CDH13: variants seen among roughly 807,000 people sequenced by gnomAD.
CDH13 encodes cadherin-13.
CDH13 carries 24 observed loss-of-function variants against 63.8 expected under a neutral mutation model. That is an observed-to-expected ratio of 0.38 (90% CI 0.27 to 0.53). The LOEUF is 0.53. CDH13 is among the 20% of genes least tolerant of loss of function. The pLI, the probability that CDH13 is intolerant of heterozygous loss-of-function variation, is 0.85. For synonymous variants in CDH13, 503 were observed against 355.3 expected, an observed-to-expected ratio of 1.42 and a Z score of -4.67; for missense variants, 1,049 against 903.1, an observed-to-expected ratio of 1.16 and a Z score of -2.07.
At chr16:83,223,547 A>G (rs1322042962) in intron 5 of CDH13, among the ~76,000 whole-genome samples, 1 of 152,216 alleles carries the variant, frequency 6.6e-6, no homozygotes, top group Admixed American at 6.5e-5. Flanking sequence ...TCTGATGCTC[A>G]CAACTGGATG....
At chr16:83,737,368 A>G (rs929389036) in intron 10 of CDH13, among the ~76,000 whole-genome samples, 6 of 152,242 alleles carry the variant, frequency 3.9e-5, no homozygotes, top group Non-Finnish European at 8.8e-5. Flanking sequence ...GTTTAAGCCA[A>G]TATTGTTTCA....
chr16:82,805,644 T>C (rs62036823), intron 1 of CDH13, among the ~76,000 whole-genome samples: 5,827 of 152,238 alleles, frequency 0.038, 169 homozygotes, highest in Admixed American at 0.063. Flanking sequence ...AAAAAGACTT[T>C]GTAAAAATCT....
chr16:83,628,307 C>G (rs1286861703), intron 8 of CDH13, among the ~76,000 whole-genome samples: 18 of 152,164 alleles, frequency 1.2e-4, no homozygotes. Context: ...AGGGTTTCCC[C>G]TTGTTGCCCA....
intron 3 of CDH13, among the ~76,000 whole-genome samples, chr16:83,041,381 A>C (rs1917316911): frequency 6.6e-6 from 1 of 152,146 alleles, no homozygotes; most frequent in Non-Finnish European, 1.5e-5. Context: ...TTCAAGAATC[A>C]GGATGGAAAT....
chr16:83,790,795 C>T (rs1409660964), intron 13 of CDH13, among the ~76,000 whole-genome samples: 1 of 152,198 alleles, frequency 6.6e-6, no homozygotes, highest in Non-Finnish European at 1.5e-5. Flanking sequence ...CCGGCATTGC[C>T]ATTAAGCTGT....
At chr16:82,884,007 C>G (rs1481903624) in intron 2 of CDH13, among the ~76,000 whole-genome samples, 3 of 152,044 alleles carry the variant, frequency 2.0e-5, no homozygotes, top group Non-Finnish European at 4.4e-5. Context: ...ATACCCCCAT[C>G]ATAGGTGTTT....
chr16:82,694,567 C>A (rs966626174), intron 1 of CDH13, among the ~76,000 whole-genome samples: 3 of 152,162 alleles, frequency 2.0e-5, no homozygotes, highest in African/African-American at 4.8e-5. Flanking sequence ...CCCTTCCTCC[C>A]AGGCCCATTC....
At chr16:82,786,186 T>A (rs1439703828) in intron 1 of CDH13, among the ~76,000 whole-genome samples, 1 of 152,118 alleles carries the variant, frequency 6.6e-6, no homozygotes, top group South Asian at 2.1e-4. Flanking sequence ...TACGAGGAAG[T>A]TAAGTTTAGA....
intron 10 of CDH13, among the ~76,000 whole-genome samples, chr16:83,746,176 A>G (rs992210853): frequency 4.6e-5 from 7 of 152,244 alleles, no homozygotes; most frequent in Admixed American, 1.3e-4. Context: ...ACAGAAGTCC[A>G]AAATCAGTCT....
intron 2 of CDH13, among the ~76,000 whole-genome samples, chr16:83,031,197 ATG>A (rs1567761456): frequency 6.8e-6 from 1 of 147,662 alleles, no homozygotes; most frequent in African/African-American, 2.5e-5. Flanking sequence ...CACCATATAC[ATG>A]CGCATGTATA....
intron 5 of CDH13, among the ~76,000 whole-genome samples, chr16:83,245,076 C>A (rs974463257): frequency 2.0e-5 from 3 of 151,328 alleles, no homozygotes; most frequent in Admixed American, 1.3e-4. Context: ...CTAGGGATAG[C>A]AGTCCCACAC....
At chr16:83,346,030 A>G (rs2090832537) in intron 6 of CDH13, among the ~76,000 whole-genome samples, 1 of 152,168 alleles carries the variant, frequency 6.6e-6, no homozygotes. Context: ...TGTATGCAAG[A>G]TGCCTAAAAC....
intron 1 of CDH13, among the ~76,000 whole-genome samples, chr16:82,734,416 C>T (rs940420626): frequency 1.3e-5 from 2 of 152,038 alleles, no homozygotes. Flanking sequence ...TGGGAATATG[C>T]CTAGTGTGTT....
At chr16:83,387,399 C>T (rs2091696333) in intron 6 of CDH13, among the ~76,000 whole-genome samples, 4 of 152,120 alleles carry the variant, frequency 2.6e-5, no homozygotes, top group African/African-American at 9.7e-5. Context: ...ACTGTGATTC[C>T]AGAAGGTATT....
At chr16:83,231,351 G>A (rs184133759) in intron 5 of CDH13, among the ~76,000 whole-genome samples, 29 of 152,294 alleles carry the variant, frequency 1.9e-4, no homozygotes, top group Non-Finnish European at 3.8e-4. Flanking sequence ...AGGGCTCTCC[G>A]AGGGAATAGA....
intron 7 of CDH13, among the ~76,000 whole-genome samples, chr16:83,503,651 G>A (rs1051987354): frequency 4.6e-5 from 7 of 152,194 alleles, no homozygotes; most frequent in East Asian, 1.9e-4. Context: ...GACCAGTGAC[G>A]ATGAGCTTTT....
intron 1 of CDH13, among the ~76,000 whole-genome samples, chr16:82,779,637 A>G (rs912947384): frequency 6.6e-6 from 1 of 152,162 alleles, no homozygotes; most frequent in Non-Finnish European, 1.5e-5. Flanking sequence ...CTCATAATTT[A>G]CCTGTAACCG....
At chr16:83,145,853 T>A (rs922401692) in intron 4 of CDH13, among the ~76,000 whole-genome samples, 4 of 152,066 alleles carry the variant, frequency 2.6e-5, no homozygotes, top group Non-Finnish European at 5.9e-5. Flanking sequence ...TGATCAGAGA[T>A]CTCTCTGAGG....
intron 1 of CDH13, among the ~76,000 whole-genome samples, chr16:82,832,023 A>G (rs145339113): frequency 7.2e-5 from 11 of 152,352 alleles, no homozygotes; most frequent in Non-Finnish European, 1.3e-4. Context: ...CCCGCATATG[A>G]TAAATTAATT....
Sources: allele counts gnomAD v4.1 joint callset (sites outside exome capture counted in the v4.1 genomes callset), GRCh38; gene constraint gnomAD v4.1.1; transcripts MANE v1.5; gene names NCBI Gene and HGNC (gene_info 2026-07-23, HGNC 2026-07-21).